Variants in ST6GALNAC5 observed in about 807,000 individuals in gnomAD.
The protein encoded by ST6GALNAC5 is ST6 N-acetylgalactosaminide alpha-2,6-sialyltransferase 5.
A neutral mutation model predicts 33.6 loss-of-function variants in ST6GALNAC5; 27 were observed. That is an observed-to-expected ratio of 0.80 (90% CI 0.59 to 1.11). The LOEUF (loss-of-function observed/expected upper bound fraction) is 1.11, where lower values mean the gene tolerates loss of function less well. ST6GALNAC5 is among the 50% of genes least tolerant of loss of function. The pLI, the probability that ST6GALNAC5 is intolerant of heterozygous loss-of-function variation, is 0.00. For missense variants in ST6GALNAC5, 428 were observed against 454.0 expected, an observed-to-expected ratio of 0.94 and a Z score of 0.52; for synonymous variants, 194 against 171.2, an observed-to-expected ratio of 1.13 and a Z score of -1.04.
At position 77,064,118 on chromosome 1, in the gene ST6GALNAC5, G is replaced by C. The variant is rs1296780544; in HGVS notation, c.*912G>C. On this transcript the variant is annotated 3_prime_UTR_variant, in exon 5 of 5. Coordinates refer to ENST00000477717, the MANE Select transcript of ST6GALNAC5 (RefSeq NM_030965.3). ...TGTAAGTGTCCTCTCTTGAGCCCTA[G>C]TTTCCTTTTTGGCAGAATGATGTCA... The C allele has an allele frequency of 6.6e-6, 1 of 152,098 alleles. No homozygotes were observed. Among genetic ancestry groups the C allele is most frequent in the Non-Finnish European group, 1.5e-5 (1 of 68,010 alleles). 9.4% of individuals were successfully genotyped at this position (152,098 alleles called of 1,614,324 possible).
At chr1:77,031,768 C>T (rs1021810) in intron 2 of ST6GALNAC5, among the ~76,000 whole-genome samples, 16,759 of 152,168 alleles carry the variant, frequency 0.11, 1,046 homozygotes, top group Admixed American at 0.16. Context: ...GTTATTTGTA[C>T]AGCAAATATA....
intron 2 of ST6GALNAC5, among the ~76,000 whole-genome samples, chr1:76,907,355 C>T (rs900892951): frequency 6.6e-6 from 1 of 152,052 alleles, no homozygotes; most frequent in African/African-American, 2.4e-5. Flanking sequence ...AACACCCAAC[C>T]CTGCTTGGTG....
chr1:76,893,333 A>G (rs1654053060), intron 2 of ST6GALNAC5, among the ~76,000 whole-genome samples: 1 of 152,222 alleles, frequency 6.6e-6, no homozygotes, highest in Non-Finnish European at 1.5e-5. Flanking sequence ...GGTGTAAAAG[A>G]CAAGAAGAAA....
At chr1:76,880,768 C>T (rs1320154530) in intron 2 of ST6GALNAC5, among the ~76,000 whole-genome samples, 1 of 152,174 alleles carries the variant, frequency 6.6e-6, no homozygotes, top group African/African-American at 2.4e-5. Context: ...AGGATTAATA[C>T]TTTGTATCCC....
Position 76,974,960 on chromosome 1 carries a change from T to A in ST6GALNAC5, c.262-69244T>A, listed in dbSNP as rs190468698. ...ACCACCATGCCCGGCTAATTTTTTG[T>A]ATTTTTAGTAGAAACGGGGTTTCAC... On this transcript the variant is annotated intron_variant, in intron 2 of 4. Coordinates refer to ENST00000477717, the MANE Select transcript of ST6GALNAC5 (RefSeq NM_030965.3). Among the ~76,000 whole-genome samples, 184 of 151,836 alleles carry A rather than the reference T, an allele frequency of 1.2e-3. 3 individuals carry two copies. Among genetic ancestry groups the A allele is most frequent in the African/African-American group, 4.2e-3 (174 of 41,418 alleles).
intron 2 of ST6GALNAC5, among the ~76,000 whole-genome samples, chr1:76,972,430 T>C (rs1648800688): frequency 6.6e-6 from 1 of 152,214 alleles, no homozygotes; most frequent in Non-Finnish European, 1.5e-5. Context: ...CATTTTTAAG[T>C]AAGTGATACA....
chr1:76,877,237 C>T (rs1653663939), intron 2 of ST6GALNAC5, among the ~76,000 whole-genome samples: 2 of 152,178 alleles, frequency 1.3e-5, no homozygotes, highest in African/African-American at 4.8e-5. Flanking sequence ...ACCTTTTGGG[C>T]TTGCCAAAGG....
At chr1:76,973,282 A>G (rs1202106371) in intron 2 of ST6GALNAC5, among the ~76,000 whole-genome samples, 5 of 152,042 alleles carry the variant, frequency 3.3e-5, no homozygotes, top group Admixed American at 1.3e-4. Flanking sequence ...AGCTCATACA[A>G]TTAAGGAGTT....
rs111342739 is a variant in ST6GALNAC5, at chr1:76,869,657, A to G, written c.261+915A>G. 1.6e-4 allele frequency among the ~76,000 whole-genome samples: 25 copies of G among 152,326 alleles called. 5 individuals carry two copies. Among genetic ancestry groups the G allele is most frequent in the African/African-American group, 6.0e-4 (25 of 41,562 alleles). On this transcript the variant is annotated intron_variant, in intron 2 of 4. Coordinates refer to ENST00000477717, the MANE Select transcript of ST6GALNAC5 (RefSeq NM_030965.3). ...TTGTGGTTGTGAACCGAAGTAATAT[A>G]TAGTAGATGCTCCTTTTGTGTGCAA...
intron 4 of ST6GALNAC5, among the ~76,000 whole-genome samples, chr1:77,058,366 T>A (rs1488786879): frequency 6.6e-6 from 1 of 152,214 alleles, no homozygotes; most frequent in Non-Finnish European, 1.5e-5. Context: ...GGCAGGTGTT[T>A]GGGTCATGGG....
chr1:76,874,164 C>G (rs1653573352), intron 2 of ST6GALNAC5, among the ~76,000 whole-genome samples: 1 of 152,198 alleles, frequency 6.6e-6, no homozygotes, highest in Non-Finnish European at 1.5e-5. Flanking sequence ...TTATTAGCCT[C>G]ATATCTCTTC....
intron 2 of ST6GALNAC5, among the ~76,000 whole-genome samples, chr1:76,880,506 G>T (rs752869107): frequency 9.9e-5 from 15 of 151,984 alleles, no homozygotes; most frequent in Non-Finnish European, 1.8e-4. Context: ...ACAATCACAG[G>T]TTCCACAATA....
intron 2 of ST6GALNAC5, among the ~76,000 whole-genome samples, chr1:76,892,725 C>A (rs1373568099): frequency 6.6e-6 from 1 of 152,174 alleles, no homozygotes; most frequent in Non-Finnish European, 1.5e-5. Flanking sequence ...GAAAAGTAAT[C>A]AACTTTCCTA....
chr1:76,958,367 G>T (rs559929432), intron 2 of ST6GALNAC5, among the ~76,000 whole-genome samples: 1 of 152,052 alleles, frequency 6.6e-6, no homozygotes, highest in Non-Finnish European at 1.5e-5. Flanking sequence ...GTTTTCTTCC[G>T]CTATGTAGTT....
intron 2 of ST6GALNAC5, among the ~76,000 whole-genome samples, chr1:76,956,345 T>C (rs1010347444): frequency 6.6e-6 from 1 of 152,000 alleles, no homozygotes; most frequent in African/African-American, 2.4e-5. Context: ...CTATTCTAAA[T>C]ACATTGCAAA....
At chr1:76,980,203 T>C (rs916115215) in intron 2 of ST6GALNAC5, among the ~76,000 whole-genome samples, 1 of 152,178 alleles carries the variant, frequency 6.6e-6, no homozygotes, top group Non-Finnish European at 1.5e-5. Context: ...GGTTTTGACC[T>C]ACATACTGTG....
At chr1:76,885,219 A>G (rs910264626) in intron 2 of ST6GALNAC5, among the ~76,000 whole-genome samples, 6 of 152,190 alleles carry the variant, frequency 3.9e-5, no homozygotes, top group Admixed American at 6.5e-5. Context: ...TCCTCGCCTC[A>G]TCCCCAGTAT....
At chr1:76,986,945 C>T (rs1200058296) in intron 2 of ST6GALNAC5, among the ~76,000 whole-genome samples, 1 of 152,168 alleles carries the variant, frequency 6.6e-6, no homozygotes, top group Admixed American at 6.5e-5. Flanking sequence ...CATGTTCTCA[C>T]TCATAGGTGG....
chr1:76,886,121 A>G (rs1052059398), intron 2 of ST6GALNAC5, among the ~76,000 whole-genome samples: 57 of 152,350 alleles, frequency 3.7e-4, no homozygotes, highest in African/African-American at 1.3e-3. Flanking sequence ...ACCACCATAT[A>G]GTAAAGGTTT....
Sources: gnomAD v4.1 joint callset for allele counts (sites outside exome capture counted in the v4.1 genomes callset) on GRCh38, gnomAD v4.1.1 for gene constraint, MANE v1.5 for transcripts, NCBI Gene and HGNC (gene_info 2026-07-23, HGNC 2026-07-21) for gene names.